The following TRIM31 variants were observed in gnomAD, a reference collection of about 807,000 sequenced individuals.
The protein encoded by TRIM31 is tripartite motif containing 31, also known as E3 ubiquitin-protein ligase TRIM31.
A neutral mutation model predicts 40.6 loss-of-function variants in TRIM31; 31 were observed. The observed-to-expected ratio is 0.76, with a 90% CI of 0.57 to 1.03. TRIM31 has a LOEUF of 1.03. TRIM31 is among the 50% of genes least tolerant of loss of function. The pLI, the probability that TRIM31 is intolerant of heterozygous loss-of-function variation, is 0.00. For missense variants in TRIM31, 455 were observed against 497.5 expected (o/e 0.91, Z 0.81); for synonymous variants, 164 against 193.9 (o/e 0.85, Z 1.28).
In TRIM31 at chr6:30,110,498, C is replaced by T. The variant is rs2523989; in HGVS notation, c.694G>A (p.Val232Ile). Reference protein sequence around the residue: ...EPQLNDLKKLVDSLKTKQNMP... With the variant: ...EPQLNDLKKLIDSLKTKQNMP... Reference sequence around the variant, plus strand: ...TTCTGCTTGGTCTTCAGGGAATCAACGAGCTTCTTGAGATCGTTCAACTGT... The same window carrying T: ...TTCTGCTTGGTCTTCAGGGAATCAATGAGCTTCTTGAGATCGTTCAACTGT... Residue 232 changes from valine (V) to isoleucine (I), a missense_variant, in exon 4 of 9, where the codon GTT becomes ATT. Transcript: ENST00000376734. 232,998 of 1,613,892 alleles carry T rather than the reference C, an allele frequency of 0.14. 18,784 individuals carry two copies. The highest frequency in any genetic ancestry group is 0.16 in the Non-Finnish European group (190,594 of 1,179,878).
intron 6 of TRIM31, chr6:30,105,509 A>C (rs564967044): frequency 2.2e-5 from 6 of 276,952 alleles, no homozygotes; most frequent in Non-Finnish European, 4.0e-5. Context: ...TATATTTTTA[A>C]ATTTTCTAGT....
At chr6:30,110,239 C>T (rs1388088728) in intron 4 of TRIM31, among the ~76,000 whole-genome samples, 2 of 152,164 alleles carry the variant, frequency 1.3e-5, no homozygotes, top group African/African-American at 4.8e-5. Context: ...TTCTAAATCA[C>T]ACATGTGGCC....
chr6:30,113,074 C>A lies in TRIM31; in HGVS notation c.-94G>T. On this transcript the variant is annotated 5_prime_UTR_variant, in exon 1 of 9. Coordinates refer to ENST00000376734, the MANE Select transcript of TRIM31 (RefSeq NM_007028.5). ...GATGGGCAGTCCTACCTTGCTACCTCTTGAGAACAAATGGATACTTTGAAT... is the reference window on the plus strand; with the variant it reads ...GATGGGCAGTCCTACCTTGCTACCTATTGAGAACAAATGGATACTTTGAAT... 1 of 456,988 alleles carries A rather than the reference C, an allele frequency of 2.2e-6. No homozygotes were observed. The highest frequency in any genetic ancestry group is 3.8e-6 in the Non-Finnish European group (1 of 262,758). 28.3% of individuals were successfully genotyped at this position (456,988 alleles called of 1,614,324 possible).
rs762669214 is a variant in TRIM31 at position 30,104,069 on chromosome 6, A to G, written c.1024+33T>C. 13 of 1,604,870 alleles carry G rather than the reference A, an allele frequency of 8.1e-6. No homozygotes were observed. In the Admixed American group the frequency reaches 2.0e-4, roughly 25 times the overall value. On this transcript the variant is annotated intron_variant, in intron 8 of 8. Coordinates refer to ENST00000376734, the MANE Select transcript of TRIM31 (RefSeq NM_007028.5). ...GCATTTTGACCACCTGTAGACTTAG[A>G]GGTCCCTTAGTATTCAGAGACAGGA... is the stretch of plus-strand genomic sequence containing the variant.
In TRIM31 at chr6:30,103,787, C is replaced by G. The variant is rs777641008; in HGVS notation, c.1027G>C (p.Gly343Arg). Reference sequence around the variant, plus strand: ...TTTGGTGGCCCCGATGTAGTTCTGCCGCCTTTGCGGGAGAAGGAAAGGAGA... The same window carrying G: ...TTTGGTGGCCCCGATGTAGTTCTGCGGCCTTTGCGGGAGAAGGAAAGGAGA... ...TSEPGSSSAG[G>R]RTTSGPPNHH... Residue 343 changes from glycine (G) to arginine (R), a missense_variant and splice_region_variant, in exon 9 of 9, where the codon GGC becomes CGC. Physicochemically the swap from Gly to Arg is moderately radical, Grantham distance 125 (BLOSUM62 -2). Transcript: ENST00000376734. 3.1e-6 allele frequency: 5 copies of G among 1,612,850 alleles called. No individual in the cohort carries two copies. The highest frequency in any genetic ancestry group is 4.2e-6 in the Non-Finnish European group (5 of 1,179,962).
intron 5 of TRIM31, 55 bp downstream of exon 5, chr6:30,108,971 G>A (rs1403398590): frequency 1.3e-6 from 2 of 1,583,590 alleles, no homozygotes; most frequent in Non-Finnish European, 1.7e-6. Flanking sequence ...TATACGCTGA[G>A]AATTGTGTGT....
chr6:30,112,214 G>A, intron 2 of TRIM31, 175 bp downstream of exon 2: 1 of 655,326 alleles, frequency 1.5e-6, no homozygotes, highest in Non-Finnish European at 2.6e-6. Context: ...TAGAGAGTCA[G>A]CAGTTCCCCA....
chr6:30,103,198 C>A lies in TRIM31; in HGVS notation c.*338G>T. On this transcript the variant is annotated 3_prime_UTR_variant, in exon 9 of 9. Coordinates refer to ENST00000376734, the MANE Select transcript of TRIM31 (RefSeq NM_007028.5). ...TGGCTGAACTGGTGCCTTCGGTAAA[C>A]AGCTGCTTAAAGAGTGCGGGGACTG... The A allele has an allele frequency of 2.6e-6, 1 of 383,768 alleles. No homozygotes were observed. The allele number at this position is 383,768 out of a possible 1,614,324, so 23.8% of individuals were successfully genotyped here.
Position 30,103,662 on chromosome 6 carries a change from A to C in TRIM31, c.1152T>G (p.Ser384=). ...TATCCTGAGAGCTCGCTCCTTGACC[A>C]GAAATCTCATCATAAGAGGCCAGGA... The part of the protein sequence containing the change: ...VCLLASYDEI[S]GQGASSQDTK... The change falls in exon 9 of 9, where the codon TCT becomes TCG. Residue 384 remains serine, a synonymous_variant. Coordinates refer to ENST00000376734, the MANE Select transcript of TRIM31 (RefSeq NM_007028.5). 6.2e-7 allele frequency: 1 copy of C among 1,613,100 alleles called. No homozygotes were observed. Among genetic ancestry groups the C allele is most frequent in the South Asian group, 1.1e-5 (1 of 91,082 alleles).
At chr6:30,107,941 A>C in intron 6 of TRIM31, 112 bp downstream of exon 6, 3 of 715,946 alleles carry the variant, frequency 4.2e-6, no homozygotes, top group African/African-American at 1.8e-5. Context: ...CTGGCACTAG[A>C]AGGGCCCAGG....
intron 6 of TRIM31, chr6:30,107,751 C>T (rs1768857515): frequency 7.2e-6 from 2 of 276,222 alleles, no homozygotes; most frequent in African/African-American, 2.2e-5. Context: ...CCAGACAACT[C>T]ATCACCAACT....
At chr6:30,108,650 G>A in intron 5 of TRIM31, 1 of 371,000 alleles carries the variant, frequency 2.7e-6, no homozygotes, top group East Asian at 5.0e-5. Flanking sequence ...ATATGGGGCG[G>A]GAGTGAGGTA....
intron 6 of TRIM31, among the ~76,000 whole-genome samples, chr6:30,106,302 G>A (rs914574097): frequency 2.3e-4 from 35 of 152,310 alleles, no homozygotes; most frequent in African/African-American, 6.7e-4. Flanking sequence ...CAGGGGAGAC[G>A]CGGGGGCCCT....
rs566927228 is a variant in TRIM31 at position 30,105,602 on chromosome 6, A to G, written c.884-360T>C. The stretch of plus-strand genomic sequence containing the variant: ...TTTAACTCAATATTCTCAAAATGTT[A>G]TTTCAACATGTATTATAAAAATTAT... On this transcript the variant is annotated intron_variant, in intron 6 of 8. Coordinates refer to ENST00000376734, the MANE Select transcript of TRIM31 (RefSeq NM_007028.5). 4 of 160,808 alleles carry G rather than the reference A, an allele frequency of 2.5e-5. No individual in the cohort carries two copies. The South Asian group carries it at 8.0e-4, about 32-fold the overall frequency. The allele number at this position is 160,808 out of a possible 1,614,324, so 10.0% of individuals were successfully genotyped here.
chr6:30,112,384 C>T lies in TRIM31; in HGVS notation c.417+5G>A, dbSNP rs1448833767. On this transcript the variant is annotated splice_donor_5th_base_variant and intron_variant, in intron 2 of 8. Transcript: ENST00000376734. ...GGGAACAGGGAAGAAACCTCAAATG[C>T]CTACCTGATAATTCTGGGCAGCTTC... The T allele has an allele frequency of 3.1e-6, 5 of 1,603,346 alleles. No homozygotes were observed. The highest frequency in any genetic ancestry group is 4.3e-6 in the Non-Finnish European group (5 of 1,175,454).
At chr6:30,105,299 CTCACT>C in intron 6 of TRIM31, 57 bp from the exon 7 acceptor site, 1 of 1,340,212 alleles carries the variant, frequency 7.5e-7, no homozygotes, top group South Asian at 1.2e-5. Context: ...GAGCAAAGAA[CTCACT>C]ATCACACAGC....
rs937513218 is a variant in TRIM31, at chr6:30,111,788, T to C, written c.418-45A>G. ...TGGACAGGCTGTGCCTGGAGATTTC[T>C]GGCCTCATAAAATCCTCCTGGTCTC... On this transcript the variant is annotated intron_variant, in intron 2 of 8. Transcript: ENST00000376734. 6.9e-6 allele frequency: 11 copies of C among 1,590,370 alleles called. No homozygotes were observed. In the Admixed American group the frequency reaches 1.3e-4, roughly 19 times the overall value.
At chr6:30,109,710 G>A (rs1009491917) in intron 4 of TRIM31, among the ~76,000 whole-genome samples, 1 of 152,012 alleles carries the variant, frequency 6.6e-6, no homozygotes, top group Non-Finnish European at 1.5e-5. Flanking sequence ...GTAAAACCCC[G>A]TGTCTGCTAA....
In TRIM31 at chr6:30,106,811, G is replaced by A. The variant is rs113461935; in HGVS notation, c.883+1242C>T. Among the ~76,000 whole-genome samples, 594 of 152,278 alleles carry A rather than the reference G, an allele frequency of 3.9e-3. 3 individuals are homozygous for A. The highest frequency in any genetic ancestry group is 0.012 in the African/African-American group (505 of 41,558). ...CTTGACCTGAAGAGCCTAGAAAGGT[G>A]CTGGATCGGGCTGGACGTGGTGGCT... is the stretch of plus-strand genomic sequence containing the variant. On this transcript the variant is annotated intron_variant, in intron 6 of 8. Transcript: ENST00000376734.
Sources: allele counts gnomAD v4.1 joint callset (sites outside exome capture counted in the v4.1 genomes callset), GRCh38; gene constraint gnomAD v4.1.1; transcripts MANE v1.5; gene names NCBI Gene and HGNC (gene_info 2026-07-23, HGNC 2026-07-21).